ADGRA3: variants seen among roughly 807,000 people sequenced by gnomAD.
ADGRA3 encodes adhesion G protein-coupled receptor A3, also known as G-protein coupled receptor 125.
Under a neutral mutation model 119.8 loss-of-function variants are expected in ADGRA3, and 56 were observed. The observed-to-expected ratio is 0.47, with a 90% CI of 0.38 to 0.58. ADGRA3 has a LOEUF of 0.58. Ranked by LOEUF, ADGRA3 falls within the 20% of genes least tolerant of loss-of-function variation. The probability of loss-of-function intolerance (pLI) is 0.00; values close to 1 mark genes in which losing one functional copy is unlikely to be tolerated. For missense variants in ADGRA3, 1,516 were observed against 1,649.0 expected (o/e 0.92, Z 1.40); for synonymous variants, 607 against 623.8 (o/e 0.97, Z 0.40).
At chr4:22,408,524 C>T (rs904718938) in intron 14 of ADGRA3, among the ~76,000 whole-genome samples, 5 of 152,012 alleles carry the variant, frequency 3.3e-5, no homozygotes, top group African/African-American at 1.2e-4. Flanking sequence ...ATCCAAACTG[C>T]CAATAAAAAG....
At chr4:22,463,350 C>T (rs557389410) in intron 2 of ADGRA3, among the ~76,000 whole-genome samples, 1 of 152,310 alleles carries the variant, frequency 6.6e-6, no homozygotes, top group South Asian at 2.1e-4. Context: ...CAAGACCTTC[C>T]TGGAAGTAGA....
At chr4:22,408,259 A>C (rs1010414854) in intron 14 of ADGRA3, among the ~76,000 whole-genome samples, 1 of 152,048 alleles carries the variant, frequency 6.6e-6, no homozygotes. Context: ...AAAATTTCTT[A>C]AACAGCATTA....
chr4:22,497,604 C>A lies in ADGRA3; in HGVS notation c.257+17924G>T, dbSNP rs559034877. ...TCGGAAGCCAAGGCGGGAAGATCAC[C>A]TGAGGTCAGGAGTTCCAGACCAGCC... On this transcript the variant is annotated intron_variant, in intron 1 of 18. Transcript: ENST00000334304. Among the ~76,000 whole-genome samples the A allele has an allele frequency of 1.1e-3, 163 of 152,162 alleles. 1 individual carries two copies. The highest frequency in any genetic ancestry group is 6.5e-4 in the Admixed American group (10 of 15,288).
chr4:22,474,501 G>A (rs998480801), intron 1 of ADGRA3, among the ~76,000 whole-genome samples: 6 of 152,198 alleles, frequency 3.9e-5, no homozygotes, highest in Non-Finnish European at 8.8e-5. Context: ...GGACTTGCCT[G>A]AGAAGAGACT....
intron 1 of ADGRA3, 131 bp from the exon 2 acceptor site, chr4:22,473,974 G>A (rs1030520633): frequency 2.0e-6 from 1 of 508,402 alleles, no homozygotes; most frequent in Non-Finnish European, 3.4e-6. Context: ...TGAGATGGCT[G>A]AAAAAAAGTG....
rs1216591827 is a variant in ADGRA3, at chr4:22,438,363, G to A, written c.978C>T (p.Val326=). ...TCGTATTATTCCCACGTTTGGTCTG[G>A]ACATGACAGCCCCAATTTCCAGTAG... is the stretch of plus-strand genomic sequence containing the variant. ...AGSTGNWGCH[V]QTKRGNNTRT... is the part of the protein sequence containing the mutation. The change falls in exon 8 of 19, where the codon GTC becomes GTT. Residue 326 remains valine (V), a synonymous_variant. Transcript: ENST00000334304. 10 of 1,613,526 alleles carry A rather than the reference G, an allele frequency of 6.2e-6. No individual in the cohort carries two copies. Among genetic ancestry groups the A allele is most frequent in the Admixed American group, 3.3e-5 (2 of 59,988 alleles).
chr4:22,415,745 T>C (rs1238870137), intron 12 of ADGRA3, among the ~76,000 whole-genome samples: 9 of 152,142 alleles, frequency 5.9e-5, no homozygotes, highest in African/African-American at 2.2e-4. Context: ...CATTTACATT[T>C]TTTAAAAGAA....
At chr4:22,424,574 G>A (rs1356877302) in intron 10 of ADGRA3, among the ~76,000 whole-genome samples, 1 of 152,138 alleles carries the variant, frequency 6.6e-6, no homozygotes, top group African/African-American at 2.4e-5. Flanking sequence ...GCATATGTAA[G>A]TGGCCACCAC....
rs572591693 is a variant in ADGRA3 at position 22,449,060 on chromosome 4, C to T, written c.474-1549G>A. Reference sequence around the variant, plus strand: ...CTGAGGTGGGTGGATCACCTGAGGTCGGGAGTTTGAGACCAGCCTGGCCAA... The same window carrying T: ...CTGAGGTGGGTGGATCACCTGAGGTTGGGAGTTTGAGACCAGCCTGGCCAA... On this transcript the variant is annotated intron_variant, in intron 4 of 18. Coordinates refer to ENST00000334304, the MANE Select transcript of ADGRA3 (RefSeq NM_145290.4). Among the ~76,000 whole-genome samples, 3 of 152,086 alleles carry T rather than the reference C, an allele frequency of 2.0e-5. No homozygotes were observed. The East Asian group carries it at 5.8e-4, about 30-fold the overall frequency.
intron 5 of ADGRA3, among the ~76,000 whole-genome samples, chr4:22,445,659 T>C (rs1716805593): frequency 6.6e-6 from 1 of 152,180 alleles, no homozygotes; most frequent in Non-Finnish European, 1.5e-5. Flanking sequence ...GACTGTGAAC[T>C]TCCCTAGGGT....
Position 22,388,585 on chromosome 4 carries a change from A to C in ADGRA3, c.3086T>G (p.Phe1029Cys). The C allele has an allele frequency of 6.2e-7, 1 of 1,614,106 alleles. No individual in the cohort carries two copies. Among genetic ancestry groups the C allele is most frequent in the Non-Finnish European group, 8.5e-7 (1 of 1,180,026 alleles). The change falls in exon 19 of 19, where the codon TTC (phenylalanine) becomes TGC (cysteine). Residue 1029 changes from phenylalanine to cysteine, a missense_variant. By Grantham distance (205) the Phe-to-Cys change is radical. Around this residue, in one of 2 missense-constraint regions of ADGRA3, gnomAD observed 1,088 missense variants for 1,107.1 expected, o/e 0.98. Transcript: ENST00000334304. ...GCTTAAACTTGTGGCTCCAAAAACGAAGCTAAAAACCAAGTCCAAAGGGTA... is the reference window on the plus strand; with the variant it reads ...GCTTAAACTTGTGGCTCCAAAAACGCAGCTAAAAACCAAGTCCAAAGGGTA... ...LYYPLDLVFS[F>C]VFGATSLSFS...
Position 22,398,869 on chromosome 4 carries a change from G to A in ADGRA3, c.2481+2562C>T, listed in dbSNP as rs540754807. On this transcript the variant is annotated intron_variant, in intron 16 of 18. Transcript: ENST00000334304. ...TATTCATATCCATGCTCATATTCAC[G>A]TGCACACAGGCAAGGTTACTCTGAG... is the stretch of plus-strand genomic sequence containing the variant. 3.3e-5 allele frequency among the ~76,000 whole-genome samples: 5 copies of A among 152,222 alleles called. No homozygotes were observed. In the South Asian group the frequency reaches 6.2e-4, roughly 19 times the overall value.
intron 4 of ADGRA3, among the ~76,000 whole-genome samples, chr4:22,448,062 C>T (rs1560322380): frequency 6.6e-6 from 1 of 152,046 alleles, no homozygotes; most frequent in South Asian, 2.1e-4. Flanking sequence ...CTAGTCTATC[C>T]TGTGTTAGCA....
At chr4:22,444,027 G>C (rs1485501339) in intron 6 of ADGRA3, among the ~76,000 whole-genome samples, 1 of 151,866 alleles carries the variant, frequency 6.6e-6, no homozygotes, top group East Asian at 1.9e-4. Flanking sequence ...GTGCTTTTTT[G>C]TTTTTTGTTT....
chr4:22,415,395 TTAG>T (rs1456413336), intron 12 of ADGRA3, among the ~76,000 whole-genome samples: 11 of 152,178 alleles, frequency 7.2e-5, no homozygotes, highest in African/African-American at 2.7e-4. Flanking sequence ...AAGAAAATAT[TTAG>T]TAGAAATATT....
At chr4:22,509,458 G>A (rs929180914) in intron 1 of ADGRA3, among the ~76,000 whole-genome samples, 3 of 149,596 alleles carry the variant, frequency 2.0e-5, no homozygotes, top group African/African-American at 5.0e-5. Context: ...AGCCAAGATC[G>A]CCCCACTGCA....
chr4:22,439,662 G>A (rs899534942), intron 7 of ADGRA3, among the ~76,000 whole-genome samples: 1 of 152,116 alleles, frequency 6.6e-6, no homozygotes, highest in African/African-American at 2.4e-5. Context: ...TAAACATACT[G>A]TAATTAATAT....
chr4:22,470,398 G>A (rs1319713814), intron 2 of ADGRA3, among the ~76,000 whole-genome samples: 2 of 151,648 alleles, frequency 1.3e-5, no homozygotes, highest in Non-Finnish European at 2.9e-5. Context: ...CCTACATGGG[G>A]CAAGATCAGA....
rs1717964975 is a variant in ADGRA3, at chr4:22,474,420, ATG to A, written c.258-579_258-578del. On this transcript the variant is annotated intron_variant, in intron 1 of 18. Coordinates refer to ENST00000334304, the MANE Select transcript of ADGRA3 (RefSeq NM_145290.4). ...ATAATATATCTCATGCTTTTGGGCA[ATG>A]TTTATCAAAATTAAATTGAAAACAA... Among the ~76,000 whole-genome samples, 7 of 152,324 alleles carry A rather than the reference ATG, an allele frequency of 4.6e-5. No individual in the cohort carries two copies. In the South Asian group the frequency reaches 8.3e-4, roughly 18 times the overall value.
Sources: allele counts gnomAD v4.1 joint callset (sites outside exome capture counted in the v4.1 genomes callset), GRCh38; gene constraint gnomAD v4.1.1; regional missense constraint gnomAD v4.1.1; transcripts MANE v1.5; gene names NCBI Gene and HGNC (gene_info 2026-07-23, HGNC 2026-07-21).